PRKDC: variants seen among roughly 807,000 people sequenced by gnomAD.
PRKDC encodes the protein DNA-dependent protein kinase catalytic subunit.
Under a neutral mutation model 486.9 loss-of-function variants are expected in PRKDC, and 82 were observed. That is an observed-to-expected ratio of 0.17 (90% confidence interval 0.14 to 0.20). The LOEUF (loss-of-function observed/expected upper bound fraction) is 0.20. Ranked by LOEUF, PRKDC falls within the 10% of genes least tolerant of loss-of-function variation. The probability of loss-of-function intolerance (pLI) is 1.00; values close to 1 mark genes in which losing one functional copy is unlikely to be tolerated. For synonymous variants in PRKDC, 1,895 were observed against 1,837.0 expected (o/e 1.03, Z -0.81); for missense variants, 4,504 against 5,038.2 (o/e 0.89, Z 3.21).
intron 55 of PRKDC, 97 bp from the exon 56 acceptor site, chr8:47,839,343 G>C (rs1253803791): frequency 2.3e-5 from 20 of 863,092 alleles, no homozygotes; most frequent in Non-Finnish European, 3.7e-5. Flanking sequence ...ATTTTAAAAG[G>C]CTTGTTTTCC....
chr8:47,841,595 A>T (rs1374242347), intron 54 of PRKDC, among the ~76,000 whole-genome samples: 2 of 152,218 alleles, frequency 1.3e-5, no homozygotes, highest in Non-Finnish European at 2.9e-5. Context: ...CCCAGGGTCT[A>T]AGCACATCGT....
chr8:47,847,065 G>C (rs1392143248), intron 54 of PRKDC, among the ~76,000 whole-genome samples: 2 of 152,166 alleles, frequency 1.3e-5, no homozygotes, highest in Non-Finnish European at 2.9e-5. Context: ...TAGCCATTCT[G>C]CCCAAAGCAA....
chr8:47,844,946 G>GC (rs2088234167), intron 54 of PRKDC, among the ~76,000 whole-genome samples: 1 of 152,192 alleles, frequency 6.6e-6, no homozygotes, highest in Non-Finnish European at 1.5e-5. Flanking sequence ...AAGTCCGGGT[G>GC]CAGAGGCTGA....
intron 10 of PRKDC, among the ~76,000 whole-genome samples, chr8:47,942,639 A>G (rs1474536406): frequency 6.6e-6 from 1 of 152,152 alleles, no homozygotes; most frequent in Non-Finnish European, 1.5e-5. Flanking sequence ...GCAACCCCAG[A>G]AGTCCACTTC....
In PRKDC at chr8:47,799,234, G is replaced by T; in HGVS notation, c.10273C>A (p.Arg3425Ser). The T allele has an allele frequency of 6.2e-7, 1 of 1,613,658 alleles. No homozygotes were observed. Among genetic ancestry groups the T allele is most frequent in the Non-Finnish European group, 8.5e-7 (1 of 1,179,856 alleles). The change falls in exon 72 of 86, where the codon CGC becomes AGC. Residue 3425 changes from arginine to serine, a missense_variant. Arg to Ser is a moderately radical substitution (Grantham distance 110). Coordinates refer to ENST00000314191, the MANE Select transcript of PRKDC (RefSeq NM_006904.7). ...CCTGATGCATTCTCTTCCTCCTTGC[G>T]CAGCTGTTGGTCACAGAAATCTGCC... ...TLADFCDQQL[R>S]KEEENASVID... is the part of the protein sequence containing the mutation.
chr8:47,813,598 G>A (rs367756757), intron 68 of PRKDC, among the ~76,000 whole-genome samples: 3 of 151,386 alleles, frequency 2.0e-5, no homozygotes, highest in South Asian at 2.1e-4. Flanking sequence ...CTTTGGAGAC[G>A]GAGTTTTGCT....
At chr8:47,870,546 G>A (rs954908916) in intron 40 of PRKDC, among the ~76,000 whole-genome samples, 7 of 152,182 alleles carry the variant, frequency 4.6e-5, no homozygotes, top group African/African-American at 1.7e-4. Flanking sequence ...CATGGCTTCA[G>A]TGACCAAAGA....
At chr8:47,820,653 A>T in intron 66 of PRKDC, 66 bp downstream of exon 66, 2 of 897,670 alleles carry the variant, frequency 2.2e-6, no homozygotes, top group Non-Finnish European at 2.9e-6. Context: ...TTTCAGATAG[A>T]TCCACATTAT....
At chr8:47,817,297 C>T (rs971857608) in intron 68 of PRKDC, among the ~76,000 whole-genome samples, 153 bp downstream of exon 68, 1 of 152,128 alleles carries the variant, frequency 6.6e-6, no homozygotes, top group Non-Finnish European at 1.5e-5. Flanking sequence ...ACGGAGAGCT[C>T]TATCGGAACT....
chr8:47,890,521 TCAACTC>T, intron 31 of PRKDC, 41 bp from the exon 32 acceptor site: 1 of 1,393,394 alleles, frequency 7.2e-7, no homozygotes, highest in South Asian at 1.3e-5. Context: ...ATGCTTCCTT[TCAACTC>T]CACTAAGATT....
rs755778201 is a variant in PRKDC at position 47,902,787 on chromosome 8, A to G, written c.3051T>C (p.Ile1017=). ...TTAAAGTACTGTCAACAGGGTCCAC[A>G]ATTCCATCCTGAAACAAAACAAAGA... ...VALLEAILDG[I]VDPVDSTLRD... Residue 1017 remains isoleucine, a synonymous_variant, in exon 27 of 86, where the codon ATT becomes ATC. Coordinates refer to ENST00000314191, the MANE Select transcript of PRKDC (RefSeq NM_006904.7). 3.7e-6 allele frequency: 6 copies of G among 1,600,382 alleles called. No homozygotes were observed. In the South Asian group the frequency reaches 5.7e-5, roughly 15 times the overall value.
At position 47,933,176 on chromosome 8, in the gene PRKDC, T is replaced by TAAATAAAGA; in HGVS notation, c.1624-13_1624-5dup. 1.3e-6 allele frequency: 2 copies of TAAATAAAGA among 1,484,044 alleles called. No individual in the cohort carries two copies. Among genetic ancestry groups the TAAATAAAGA allele is most frequent in the Non-Finnish European group, 1.8e-6 (2 of 1,118,282 alleles). The allele number at this position is 1,484,044 out of a possible 1,614,324, so 91.9% of individuals were successfully genotyped here. A position where few individuals can be genotyped will look rare whatever the true frequency, so the allele number is the denominator to read the frequency against. ...CTTCATCTGCTAAAATAGAATCCTT[T>TAAATAAAGA]AAATAAAGAAAAACAATAAACTTCA... On this transcript the variant is annotated splice_polypyrimidine_tract_variant and splice_region_variant and intron_variant, in intron 15 of 85. Transcript: ENST00000314191.
At chr8:47,844,205 C>A (rs2088216793) in intron 54 of PRKDC, among the ~76,000 whole-genome samples, 1 of 152,214 alleles carries the variant, frequency 6.6e-6, no homozygotes, top group Non-Finnish European at 1.5e-5. Flanking sequence ...GGAGAAAGAT[C>A]TATCACAAAA....
chr8:47,929,110 A>G lies in PRKDC; in HGVS notation c.2121T>C (p.Phe707=), dbSNP rs963760188. 3.2e-6 allele frequency: 5 copies of G among 1,569,900 alleles called. No individual in the cohort carries two copies. Among genetic ancestry groups the G allele is most frequent in the Non-Finnish European group, 4.3e-6 (5 of 1,155,094 alleles). ...DPEKYSCFAL[F]VKFGKEVAVK... is the part of the protein sequence containing the mutation. ...AAATTACCTCTTTGCCAAATTTCAC[A>G]AATAAAGCAAAGCAAGAATACTTTT... The change falls in exon 19 of 86, where the codon TTT becomes TTC. Residue 707 remains phenylalanine, a synonymous_variant. Coordinates refer to ENST00000314191, the MANE Select transcript of PRKDC (RefSeq NM_006904.7).
At chr8:47,820,081 A>C (rs2087551469) in intron 66 of PRKDC, among the ~76,000 whole-genome samples, 1 of 152,192 alleles carries the variant, frequency 6.6e-6, no homozygotes, top group Non-Finnish European at 1.5e-5. Flanking sequence ...TCTTCTCTAC[A>C]AAGCAACCAA....
chr8:47,881,956 C>T lies in PRKDC; in HGVS notation c.4918G>A (p.Glu1640Lys), dbSNP rs780182143. Residue 1640 changes from glutamate to lysine, a missense_variant, in exon 37 of 86, where the codon GAA (glutamate) becomes AAA (lysine). Glu to Lys is a moderately conservative substitution (Grantham distance 56). Transcript: ENST00000314191. ...AAGGCCAGCACTGCCATTTTAGTTT[C>T]GAGAGGGGAATCTTTGGCCCACCAT... ...DSWWAKDSPL[E>K]TKMAVLALLA... The T allele has an allele frequency of 3.1e-6, 5 of 1,613,424 alleles. No individual in the cohort carries two copies. The highest frequency in any genetic ancestry group is 1.7e-5 in the Admixed American group (1 of 59,928).
At chr8:47,900,217 G>A (rs1235001035) in intron 28 of PRKDC, among the ~76,000 whole-genome samples, 156 bp downstream of exon 28, 1 of 152,056 alleles carries the variant, frequency 6.6e-6, no homozygotes, top group Non-Finnish European at 1.5e-5. Flanking sequence ...TAACAAGCTG[G>A]GTTTGAGGCA....
chr8:47,958,722 C>T (rs1459938671), intron 1 of PRKDC, among the ~76,000 whole-genome samples: 2 of 150,566 alleles, frequency 1.3e-5, no homozygotes, highest in East Asian at 3.9e-4. Context: ...ATATAGGATA[C>T]ATGTATATAG....
At chr8:47,810,274 A>G (rs2087300084) in intron 68 of PRKDC, among the ~76,000 whole-genome samples, 1 of 152,230 alleles carries the variant, frequency 6.6e-6, no homozygotes, top group Non-Finnish European at 1.5e-5. Context: ...TAGTGCAATA[A>G]GATATTTTGA....
Sources: gnomAD v4.1 joint callset for allele counts (sites outside exome capture counted in the v4.1 genomes callset) on GRCh38, gnomAD v4.1.1 for gene constraint, MANE v1.5 for transcripts, NCBI Gene and HGNC (gene_info 2026-07-23, HGNC 2026-07-21) for gene names.